RAD51B: variants seen among roughly 807,000 people sequenced by gnomAD.
RAD51B encodes DNA repair protein RAD51 homolog 2.
A neutral mutation model predicts 42.2 loss-of-function variants in RAD51B; 38 were observed. The observed-to-expected ratio is 0.90, with a 90% CI of 0.70 to 1.18. The LOEUF (loss-of-function observed/expected upper bound fraction) is 1.18. Ranked by LOEUF, RAD51B falls within the 50% of genes most tolerant of loss-of-function variation. RAD51B has a pLI of 0.00. For missense variants in RAD51B, 373 were observed against 400.7 expected, an observed-to-expected ratio of 0.93 and a Z score of 0.59; for synonymous variants, 154 against 145.2, an observed-to-expected ratio of 1.06 and a Z score of -0.43.
At chr14:67,871,845 T>G (rs1471087500) in intron 5 of RAD51B, among the ~76,000 whole-genome samples, 3 of 152,238 alleles carry the variant, frequency 2.0e-5, no homozygotes, top group Non-Finnish European at 4.4e-5. Context: ...ACCACATGAT[T>G]ATCTCAATAG....
intron 10 of RAD51B, chr14:68,610,873 GTGTGTGTGTGTGTC>G (rs765124447): frequency 0.012 from 7,619 of 613,806 alleles, 39 homozygotes; most frequent in Middle Eastern, 0.033. Flanking sequence ...GTGTGTGTGT[GTGTGTGTGTGTGTC>G]ATCTCCCTAG....
At chr14:68,212,245 C>G (rs2079725973) in intron 7 of RAD51B, among the ~76,000 whole-genome samples, 1 of 152,184 alleles carries the variant, frequency 6.6e-6, no homozygotes, top group Non-Finnish European at 1.5e-5. Flanking sequence ...AAGTTTGGCT[C>G]TAGAATCTGA....
chr14:67,995,562 T>A (rs1006252083), intron 7 of RAD51B, among the ~76,000 whole-genome samples: 1 of 152,100 alleles, frequency 6.6e-6, no homozygotes. Context: ...TACTGCTTTT[T>A]TCCCCCCTCT....
chr14:67,904,227 T>G (rs1209982543), intron 7 of RAD51B, among the ~76,000 whole-genome samples: 1 of 152,118 alleles, frequency 6.6e-6, no homozygotes, highest in Non-Finnish European at 1.5e-5. Flanking sequence ...TGTGTGCTTG[T>G]GTCTTTATGG....
intron 7 of RAD51B, among the ~76,000 whole-genome samples, chr14:68,239,237 G>C (rs2080332332): frequency 6.6e-6 from 1 of 152,060 alleles, no homozygotes; most frequent in Non-Finnish European, 1.5e-5. Flanking sequence ...CCTTCCTATG[G>C]CATTTCTCCT....
intron 7 of RAD51B, among the ~76,000 whole-genome samples, chr14:67,999,247 A>T (rs953403782): frequency 6.6e-6 from 1 of 152,102 alleles, no homozygotes; most frequent in East Asian, 1.9e-4. Flanking sequence ...TTATTCTGTT[A>T]TAGCTGGAAG....
rs554333274 is a variant in RAD51B, at chr14:68,623,109, G to A, written c.1037-27672G>A. On this transcript the variant is annotated intron_variant, in intron 10 of 11. Transcript: ENST00000488612. ...TTCTTTTTCTCATAAGAGGGTGAAG[G>A]GTTCTTGGAAATTCCCCTAAAGCAT... 2.6e-5 allele frequency among the ~76,000 whole-genome samples: 4 copies of A among 152,126 alleles called. No homozygotes were observed. In the East Asian group the frequency reaches 7.7e-4, roughly 29 times the overall value.
intron 7 of RAD51B, among the ~76,000 whole-genome samples, chr14:68,264,702 A>G (rs2080955215): frequency 1.3e-5 from 2 of 152,186 alleles, no homozygotes; most frequent in African/African-American, 2.4e-5. Flanking sequence ...TTTTAATCGG[A>G]GAAGAGATTA....
intron 7 of RAD51B, among the ~76,000 whole-genome samples, chr14:68,064,394 A>G (rs1286088900): frequency 1.3e-5 from 2 of 151,982 alleles, no homozygotes; most frequent in South Asian, 2.1e-4. Flanking sequence ...TTTGTCTTTG[A>G]CTTTTGACAG....
chr14:68,272,056 G>A (rs2081114401), intron 7 of RAD51B, among the ~76,000 whole-genome samples: 1 of 152,212 alleles, frequency 6.6e-6, no homozygotes, highest in Non-Finnish European at 1.5e-5. Context: ...GTCACCAACA[G>A]TTCTGTTATG....
At chr14:68,313,935 G>A (rs184900917) in intron 8 of RAD51B, among the ~76,000 whole-genome samples, 1 of 152,108 alleles carries the variant, frequency 6.6e-6, no homozygotes, top group African/African-American at 2.4e-5. Context: ...AGGAGCTAAA[G>A]ACCCCGTGGC....
At chr14:67,988,133 A>G (rs1048192078) in intron 7 of RAD51B, among the ~76,000 whole-genome samples, 3 of 152,176 alleles carry the variant, frequency 2.0e-5, no homozygotes, top group Admixed American at 6.6e-5. Context: ...TAACTCCAAA[A>G]TAAATGTATG....
intron 9 of RAD51B, among the ~76,000 whole-genome samples, chr14:68,424,604 C>G (rs2084788204): frequency 6.6e-6 from 1 of 152,152 alleles, no homozygotes; most frequent in African/African-American, 2.4e-5. Flanking sequence ...CTACTTGTGA[C>G]TCCGTTCTGA....
At chr14:68,016,279 T>C (rs945978503) in intron 7 of RAD51B, among the ~76,000 whole-genome samples, 1 of 152,130 alleles carries the variant, frequency 6.6e-6, no homozygotes, top group Non-Finnish European at 1.5e-5. Context: ...GATAATTATC[T>C]GGGAGTCTCT....
chr14:68,043,326 T>C (rs765204361), intron 7 of RAD51B, among the ~76,000 whole-genome samples: 6 of 152,304 alleles, frequency 3.9e-5, no homozygotes, highest in South Asian at 2.1e-4. Flanking sequence ...GTTTGGCAGA[T>C]CCTAAGATGC....
intron 10 of RAD51B, among the ~76,000 whole-genome samples, chr14:68,586,802 T>G (rs1890505097): frequency 6.6e-6 from 1 of 152,034 alleles, no homozygotes; most frequent in Admixed American, 6.6e-5. Context: ...GTCAGGAGTT[T>G]GAGACCAGCC....
At chr14:68,603,233 A>G (rs1261658151) in intron 10 of RAD51B, among the ~76,000 whole-genome samples, 1 of 152,192 alleles carries the variant, frequency 6.6e-6, no homozygotes, top group East Asian at 1.9e-4. Flanking sequence ...ATTGATCCCT[A>G]TATCAAATTT....
In RAD51B at chr14:68,401,913, C is replaced by T. The variant is rs191044326; in HGVS notation, c.854-9511C>T. On this transcript the variant is annotated intron_variant, in intron 8 of 10. Coordinates refer to ENST00000471583, the MANE Select transcript of RAD51B (RefSeq NM_133510.4). ...CTGCGGTTGCTTACTTAATAGATAGCGTGTGGTCCCTGAGCCATTGCAGCT... is the reference window on the plus strand; with the variant it reads ...CTGCGGTTGCTTACTTAATAGATAGTGTGTGGTCCCTGAGCCATTGCAGCT... 2.2e-3 allele frequency among the ~76,000 whole-genome samples: 338 copies of T among 152,218 alleles called. 3 individuals carry two copies. The highest frequency in any genetic ancestry group is 7.8e-3 in the African/African-American group (324 of 41,518).
chr14:68,226,292 A>G (rs993602591), intron 7 of RAD51B, among the ~76,000 whole-genome samples: 3 of 152,246 alleles, frequency 2.0e-5, no homozygotes, highest in African/African-American at 4.8e-5. Flanking sequence ...GTAAGAAAGC[A>G]TAATATTCAG....
Sources: gnomAD v4.1 joint callset for allele counts (sites outside exome capture counted in the v4.1 genomes callset) on GRCh38, gnomAD v4.1.1 for gene constraint, MANE v1.5 for transcripts, NCBI Gene and HGNC (gene_info 2026-07-23, HGNC 2026-07-21) for gene names.